Variants in IQSEC1 observed in about 807,000 individuals in gnomAD.
IQSEC1 encodes the protein IQ motif and Sec7 domain ArfGEF 1, also known as IQ motif and SEC7 domain-containing protein 1.
Under a neutral mutation model 91.0 loss-of-function variants are expected in IQSEC1, and 31 were observed. The ratio of observed to expected loss-of-function variants is 0.34; its 90% confidence interval spans 0.26 to 0.46. The LOEUF is 0.46. Among genes scored for constraint, IQSEC1 ranks in the 20% least tolerant of loss-of-function variants. The probability of loss-of-function intolerance (pLI) is 1.00; values close to 1 mark genes in which losing one functional copy is unlikely to be tolerated. For synonymous variants in IQSEC1, 699 were observed against 662.6 expected (o/e 1.05, Z -0.84); for missense variants, 1,388 against 1,575.6 (o/e 0.88, Z 2.02).
intron 1 of IQSEC1, among the ~76,000 whole-genome samples, chr3:12,998,736 T>C (rs1429440144): frequency 1.3e-5 from 2 of 152,212 alleles, no homozygotes; most frequent in Non-Finnish European, 2.9e-5. Context: ...AAGAAACTGG[T>C]ACATGGTTTT....
intron 1 of IQSEC1, among the ~76,000 whole-genome samples, chr3:12,953,689 A>G (rs1699715127): frequency 6.6e-6 from 1 of 152,176 alleles, no homozygotes; most frequent in South Asian, 2.1e-4. Context: ...ATGAAGGAAG[A>G]TGCAGTTTTT....
intron 1 of IQSEC1, among the ~76,000 whole-genome samples, chr3:13,006,742 C>T (rs1702652652): frequency 6.6e-6 from 1 of 152,262 alleles, no homozygotes; most frequent in African/African-American, 2.4e-5. Context: ...GGCAGCAGCA[C>T]ACCCGGAAGC....
At chr3:13,009,987 T>G (rs1702806730) in intron 1 of IQSEC1, among the ~76,000 whole-genome samples, 1 of 152,248 alleles carries the variant, frequency 6.6e-6, no homozygotes, top group African/African-American at 2.4e-5. Context: ...CAAGCTGATT[T>G]GGGATTTGAG....
chr3:13,129,097 A>C (rs1706565027), intron 2 of IQSEC1, among the ~76,000 whole-genome samples: 1 of 152,228 alleles, frequency 6.6e-6, no homozygotes. Flanking sequence ...GTTCACCAGT[A>C]AAACCACTGA....
At chr3:13,106,696 G>GC (rs1453061487) in intron 2 of IQSEC1, among the ~76,000 whole-genome samples, 1 of 152,230 alleles carries the variant, frequency 6.6e-6, no homozygotes, top group Non-Finnish European at 1.5e-5. Flanking sequence ...AATGGGCACT[G>GC]CCCTCCTCCT....
At chr3:13,208,552 C>T (rs1013152793) in intron 1 of IQSEC1, among the ~76,000 whole-genome samples, 1 of 152,222 alleles carries the variant, frequency 6.6e-6, no homozygotes, top group Non-Finnish European at 1.5e-5. Flanking sequence ...AAACCCACAT[C>T]TGCCTTGGTC....
At chr3:12,978,704 CAA>C (rs10707484) in intron 1 of IQSEC1, among the ~76,000 whole-genome samples, 6 of 141,608 alleles carry the variant, frequency 4.2e-5, no homozygotes, top group East Asian at 3.9e-4. Context: ...GGCTCAGTCT[CAA>C]AAAAAAAAAT....
intron 3 of IQSEC1, among the ~76,000 whole-genome samples, chr3:12,931,829 G>A (rs1435938207): frequency 6.6e-6 from 1 of 152,230 alleles, no homozygotes; most frequent in Admixed American, 6.5e-5. Flanking sequence ...GAAGGGGGCT[G>A]CCTCCAGGTA....
chr3:13,199,751 T>C (rs1576292243), intron 1 of IQSEC1, among the ~76,000 whole-genome samples: 1 of 151,014 alleles, frequency 6.6e-6, no homozygotes, highest in Admixed American at 6.6e-5. Flanking sequence ...TCCGTGGCTG[T>C]CCCCGGACGT....
At chr3:13,084,486 AAGAC>A (rs150322505) in intron 2 of IQSEC1, among the ~76,000 whole-genome samples, 8,974 of 152,292 alleles carry the variant, frequency 0.059, 313 homozygotes, top group African/African-American at 0.083. Context: ...AGCAGTGAAT[AAGAC>A]AGATATAAAA....
intron 6 of IQSEC1, among the ~76,000 whole-genome samples, chr3:12,916,512 G>A (rs566107055): frequency 1.5e-4 from 23 of 152,296 alleles, no homozygotes; most frequent in African/African-American, 4.8e-4. Context: ...TCACCCATCC[G>A]CCAGACTGCA....
chr3:13,141,532 G>T (rs1384382730), intron 2 of IQSEC1, among the ~76,000 whole-genome samples: 1 of 152,250 alleles, frequency 6.6e-6, no homozygotes, highest in Non-Finnish European at 1.5e-5. Flanking sequence ...AAGGGAGGGA[G>T]AAGACGGATA....
chr3:13,240,109 T>C (rs1165409445), intron 1 of IQSEC1, among the ~76,000 whole-genome samples: 1 of 151,930 alleles, frequency 6.6e-6, no homozygotes, highest in Non-Finnish European at 1.5e-5. Flanking sequence ...CCGGGTGTGG[T>C]GGTTCATGCC....
In IQSEC1 at chr3:12,967,372, G is replaced by A. The variant is rs558698130; in HGVS notation, c.24-25507C>T. The A allele has an allele frequency of 2.0e-6, 3 of 1,531,602 alleles. No homozygotes were observed. The highest frequency in any genetic ancestry group is 2.5e-5 in the East Asian group (1 of 40,114). The allele number at this position is 1,531,602 out of a possible 1,614,324, so 94.9% of individuals were successfully genotyped here. A position where few individuals can be genotyped will look rare whatever the true frequency, so the allele number is the denominator to read the frequency against. On this transcript the variant is annotated intron_variant, in intron 1 of 13. Coordinates refer to ENST00000613206, the MANE Select transcript of IQSEC1 (RefSeq NM_001134382.3). The surrounding 1 kb of genome is among the most constrained non-coding windows in gnomAD (Gnocchi z 5.9). ...AGCACCCGGGAAGGCCGCTCGCCCC[G>A]CGCCGCGCCCTCACCCGCTGTCAAG...
rs1472281600 is a variant in IQSEC1, at chr3:13,103,484, G to A, written c.303-55962C>T. ...TCCTCAGTCACTGGAAGAGCTGGCCGTGCTGCCTGGATGCCATCCACACCT... is the reference window on the plus strand; with the variant it reads ...TCCTCAGTCACTGGAAGAGCTGGCCATGCTGCCTGGATGCCATCCACACCT... On this transcript the variant is annotated intron_variant, in intron 2 of 15. Transcript: ENST00000648114. The surrounding 1 kb of genome is among the most constrained non-coding windows in gnomAD (Gnocchi z 4.1). Among the ~76,000 whole-genome samples, 1 of 151,976 alleles carries A rather than the reference G, an allele frequency of 6.6e-6. No homozygotes were observed. Among genetic ancestry groups the A allele is most frequent in the East Asian group, 1.9e-4 (1 of 5,160 alleles).
intron 1 of IQSEC1, among the ~76,000 whole-genome samples, chr3:13,179,886 G>T (rs1490988235): frequency 1.3e-5 from 2 of 152,260 alleles, no homozygotes; most frequent in Non-Finnish European, 2.9e-5. Flanking sequence ...GCAGTGAGGG[G>T]TTTAGCACCT....
intron 6 of IQSEC1, among the ~76,000 whole-genome samples, chr3:12,918,173 GAGAA>G (rs968834884): frequency 6.6e-6 from 1 of 152,260 alleles, no homozygotes; most frequent in African/African-American, 2.4e-5. Context: ...TGAGGAAGAT[GAGAA>G]AGAATGTCCC....
At chr3:13,116,263 A>G (rs1232222061) in intron 2 of IQSEC1, among the ~76,000 whole-genome samples, 2 of 152,172 alleles carry the variant, frequency 1.3e-5, no homozygotes, top group African/African-American at 2.4e-5. Context: ...GGTAGGAGCT[A>G]TATGTGGGGG....
At chr3:13,192,416 G>C (rs973695397) in intron 1 of IQSEC1, among the ~76,000 whole-genome samples, 7 of 152,106 alleles carry the variant, frequency 4.6e-5, no homozygotes, top group Non-Finnish European at 1.0e-4. Flanking sequence ...CACTGGAGTA[G>C]GGGTCCCCCA....
Sources: gnomAD v4.1 joint callset for allele counts (sites outside exome capture counted in the v4.1 genomes callset) on GRCh38, gnomAD v4.1.1 for gene constraint, Gnocchi (gnomAD v3.1) non-coding constraint, MANE v1.5 for transcripts, NCBI Gene and HGNC (gene_info 2026-07-23, HGNC 2026-07-21) for gene names.